The following SYN2 variants were observed in gnomAD, a reference collection of about 807,000 sequenced individuals.
SYN2 encodes the protein synapsin II.
SYN2 carries 19 observed loss-of-function variants against 50.9 expected under a neutral mutation model. The observed-to-expected ratio is 0.37, with a 90% CI of 0.26 to 0.55. The LOEUF is 0.55. Among genes scored for constraint, SYN2 ranks in the 20% least tolerant of loss-of-function variants. The pLI is 0.81. For synonymous variants in SYN2, 255 were observed against 224.9 expected (o/e 1.13, Z -1.20); for missense variants, 587 against 576.4 (o/e 1.02, Z -0.19).
intron 6 of SYN2, 51 bp from the exon 7 acceptor site, chr3:12,161,961 T>G (rs1559448009): frequency 6.2e-7 from 1 of 1,605,388 alleles, no homozygotes. Flanking sequence ...CTTCTCAGTG[T>G]GTGTATGTGT....
At chr3:12,099,535 A>G (rs1475420799) in intron 1 of SYN2, among the ~76,000 whole-genome samples, 1 of 152,212 alleles carries the variant, frequency 6.6e-6, no homozygotes, top group Non-Finnish European at 1.5e-5. Context: ...AATCTGTGCT[A>G]TAGGTAAAAG....
At chr3:12,034,712 G>A (rs1034626587) in intron 1 of SYN2, among the ~76,000 whole-genome samples, 4 of 152,140 alleles carry the variant, frequency 2.6e-5, no homozygotes, top group Non-Finnish European at 5.9e-5. Context: ...CAGGATAACA[G>A]CATTTGTCCA....
chr3:12,014,913 AAC>A (rs1270617076), intron 1 of SYN2, among the ~76,000 whole-genome samples: 1 of 152,222 alleles, frequency 6.6e-6, no homozygotes, highest in African/African-American at 2.4e-5. Context: ...TTTAATTGTA[AAC>A]AGTTTACTAA....
intron 3 of SYN2, among the ~76,000 whole-genome samples, chr3:12,143,503 A>G (rs769986657): frequency 2.0e-5 from 3 of 151,938 alleles, no homozygotes; most frequent in Non-Finnish European, 4.4e-5. Context: ...ATGTGTACCC[A>G]TTATTTGGCT....
intron 3 of SYN2, 133 bp from the exon 4 acceptor site, chr3:12,145,546 C>A: frequency 9.7e-7 from 1 of 1,027,410 alleles, no homozygotes; most frequent in Non-Finnish European, 1.4e-6. Context: ...AAAATAACAA[C>A]AGTAAAATGA....
In SYN2 at chr3:12,128,091, C is replaced by T. The variant is rs185509304; in HGVS notation, c.378-12560C>T. 1.5e-4 allele frequency among the ~76,000 whole-genome samples: 23 copies of T among 152,088 alleles called. No homozygotes were observed. The East Asian group carries it at 3.3e-3, about 22-fold the overall frequency. Reference sequence around the variant, plus strand: ...TCCTAAGTAGCTGGGACCACAGACACTAGCCACCATGCCAGACTAATTTTT... The same window carrying T: ...TCCTAAGTAGCTGGGACCACAGACATTAGCCACCATGCCAGACTAATTTTT... On this transcript the variant is annotated intron_variant, in intron 1 of 12. Transcript: ENST00000621198.
intron 10 of SYN2, among the ~76,000 whole-genome samples, chr3:12,172,556 C>T (rs1045119598): frequency 6.6e-6 from 1 of 152,238 alleles, no homozygotes; most frequent in South Asian, 2.1e-4. Flanking sequence ...GGACTCATGA[C>T]TCATTCCCCT....
At chr3:12,188,049 T>C (rs915323720) in intron 12 of SYN2, among the ~76,000 whole-genome samples, 2 of 152,132 alleles carry the variant, frequency 1.3e-5, no homozygotes, top group African/African-American at 4.8e-5. Flanking sequence ...TTAATCTTTC[T>C]GCCTCTGACT....
intron 1 of SYN2, among the ~76,000 whole-genome samples, chr3:12,098,856 C>CATACATAT (rs1553614781): frequency 7.5e-6 from 1 of 133,656 alleles, no homozygotes; most frequent in East Asian, 2.4e-4. Flanking sequence ...AAAGCAAAAG[C>CATACATAT]ATATATATAT....
At chr3:12,066,975 G>C (rs974994139) in intron 1 of SYN2, among the ~76,000 whole-genome samples, 1 of 152,102 alleles carries the variant, frequency 6.6e-6, no homozygotes, top group Non-Finnish European at 1.5e-5. Flanking sequence ...AGGAGAGTGA[G>C]TTCCAAGCAA....
At chr3:12,187,739 GT>G (rs772251658) in intron 12 of SYN2, 127 bp downstream of exon 12, 31 of 491,422 alleles carry the variant, frequency 6.3e-5, no homozygotes, top group South Asian at 2.2e-4. Context: ...ATGGGATTTG[GT>G]TTTTTTTTGT....
At chr3:12,067,638 A>G (rs1358063670) in intron 1 of SYN2, among the ~76,000 whole-genome samples, 4 of 152,014 alleles carry the variant, frequency 2.6e-5, no homozygotes, top group Non-Finnish European at 5.9e-5. Context: ...AAAGGAAAGA[A>G]AGAAAGGGAA....
At chr3:12,151,158 T>C in intron 4 of SYN2, 79 bp from the exon 5 acceptor site, 1 of 1,027,776 alleles carries the variant, frequency 9.7e-7, no homozygotes, top group Non-Finnish European at 1.5e-6. Context: ...AAATGCTCAA[T>C]AAATATTTGA....
chr3:12,158,542 C>T (rs897349451), intron 5 of SYN2: 92 of 1,060,516 alleles, frequency 8.7e-5, no homozygotes, highest in Middle Eastern at 2.1e-4. Context: ...TGCAAGGTTG[C>T]TATGGCGCCT....
At chr3:12,095,679 C>T (rs1275958910) in intron 1 of SYN2, among the ~76,000 whole-genome samples, 6 of 148,800 alleles carry the variant, frequency 4.0e-5, no homozygotes, top group Non-Finnish European at 8.9e-5. Flanking sequence ...TTCTTCTTTC[C>T]CCCTACTTGG....
At chr3:12,013,768 A>G (rs572297679) in intron 1 of SYN2, among the ~76,000 whole-genome samples, 2 of 152,204 alleles carry the variant, frequency 1.3e-5, no homozygotes, top group South Asian at 4.2e-4. Flanking sequence ...GTTTTTCAGG[A>G]GCTTCTTACA....
intron 1 of SYN2, among the ~76,000 whole-genome samples, chr3:12,137,818 T>TA (rs892352714): frequency 6.6e-6 from 1 of 152,240 alleles, no homozygotes; most frequent in Non-Finnish European, 1.5e-5. Flanking sequence ...TTATAATTGA[T>TA]AATGGGAAGT....
chr3:12,189,757 G>T (rs1289300135), intron 12 of SYN2, among the ~76,000 whole-genome samples: 1 of 151,892 alleles, frequency 6.6e-6, no homozygotes, highest in Non-Finnish European at 1.5e-5. Flanking sequence ...AGCAGAGATC[G>T]CACCACTGCA....
At chr3:12,024,997 T>C (rs1694223323) in intron 1 of SYN2, among the ~76,000 whole-genome samples, 1 of 152,224 alleles carries the variant, frequency 6.6e-6, no homozygotes, top group South Asian at 2.1e-4. Context: ...GAAATTTATT[T>C]CTCACAGTTC....
Sources: gnomAD v4.1 joint callset for allele counts (sites outside exome capture counted in the v4.1 genomes callset) on GRCh38, gnomAD v4.1.1 for gene constraint, MANE v1.5 for transcripts, NCBI Gene and HGNC (gene_info 2026-07-23, HGNC 2026-07-21) for gene names.